The following PLSCR4 variants were observed in gnomAD, a reference collection of about 807,000 sequenced individuals.
The protein encoded by PLSCR4 is phospholipid scramblase 4, also known as Ca(2+)-dependent phospholipid scramblase 4.
Under a neutral mutation model 36.3 loss-of-function variants are expected in PLSCR4, and 25 were observed. The ratio of observed to expected loss-of-function variants is 0.69; its 90% CI spans 0.50 to 0.96. PLSCR4 has a LOEUF of 0.96. Among genes scored for constraint, PLSCR4 ranks in the 40% least tolerant of loss-of-function variants. PLSCR4 has a pLI of 0.00. For synonymous variants in PLSCR4, 122 were observed against 132.9 expected (o/e 0.92, Z 0.56); for missense variants, 408 against 414.7 (o/e 0.98, Z 0.14).
At chr3:146,219,049 A>T (rs1047135276) in intron 3 of PLSCR4, among the ~76,000 whole-genome samples, 13 of 152,220 alleles carry the variant, frequency 8.5e-5, no homozygotes, top group Admixed American at 7.2e-4. Context: ...AGTCACAGAG[A>T]CAATTTTTGT....
intron 1 of PLSCR4, among the ~76,000 whole-genome samples, chr3:146,223,263 G>C (rs2035258102): frequency 6.6e-6 from 1 of 152,152 alleles, no homozygotes; most frequent in Non-Finnish European, 1.5e-5. Context: ...CAAAAAAAAG[G>C]CTATTATTTG....
At chr3:146,242,026 T>C (rs2175544) in intron 1 of PLSCR4, among the ~76,000 whole-genome samples, 123,197 of 152,120 alleles carry the variant, frequency 0.81, 50,315 homozygotes, top group Non-Finnish European at 0.87. Context: ...CAGCCAATGA[T>C]GGTAGTGGAG....
At chr3:146,218,821 T>A (rs1512894) in intron 3 of PLSCR4, among the ~76,000 whole-genome samples, 49,309 of 152,112 alleles carry the variant, frequency 0.32, 8,670 homozygotes, top group South Asian at 0.45. Flanking sequence ...TGAGTTTTTT[T>A]AGTTATTTTG....
In PLSCR4 at chr3:146,196,730, T is replaced by A. The variant is rs1196531776; in HGVS notation, c.688A>T (p.Arg230Trp). 2 of 1,613,954 alleles carry A rather than the reference T, an allele frequency of 1.2e-6. No homozygotes were observed. Among genetic ancestry groups the A allele is most frequent in the Non-Finnish European group, 1.7e-6 (2 of 1,179,898 alleles). Residue 230 changes from arginine (R) to tryptophan (W), a missense_variant, in exon 7 of 9, where the codon AGG (arginine) becomes TGG (tryptophan). Arg to Trp is a moderately radical substitution (Grantham distance 101). Coordinates refer to ENST00000354952, the MANE Select transcript of PLSCR4 (RefSeq NM_020353.3). The part of the protein sequence containing the change: ...GFVAEHWNLC[R>W]AVYSIQNEKK... Reference sequence around the variant, plus strand: ...TCATTTTGGATGCTGTACACCGCCCTGCACAGGTTCCAATGTTCCGCAACA... The same window carrying A: ...TCATTTTGGATGCTGTACACCGCCCAGCACAGGTTCCAATGTTCCGCAACA...
chr3:146,206,606 T>G lies in PLSCR4; in HGVS notation c.274A>C (p.Asn92His). The change falls in exon 4 of 9, where the codon AAT (asparagine) becomes CAT (histidine). Residue 92 changes from asparagine (N) to histidine (H), a missense_variant. Coordinates refer to ENST00000354952, the MANE Select transcript of PLSCR4 (RefSeq NM_020353.3). ...ATCCATGTTATTGGAACAGACTGAT[T>G]TGGCATAGGATATTTGCCAGGCTGA... The part of the protein sequence containing the change: ...RYQPGKYPMP[N>H]QSVPITWMPG... 1 of 1,613,592 alleles carries G rather than the reference T, an allele frequency of 6.2e-7. No homozygotes were observed. The highest frequency in any genetic ancestry group is 8.5e-7 in the Non-Finnish European group (1 of 1,179,694).
intron 6 of PLSCR4, 70 bp downstream of exon 6, chr3:146,199,743 G>T: frequency 1.6e-6 from 2 of 1,247,632 alleles, no homozygotes; most frequent in South Asian, 1.3e-5. Context: ...CCTATGTAGT[G>T]GAAGGAGCAC....
chr3:146,221,648 T>A (rs2108292879), intron 2 of PLSCR4, among the ~76,000 whole-genome samples: 1 of 152,290 alleles, frequency 6.6e-6, no homozygotes, highest in Non-Finnish European at 1.5e-5. Context: ...ATCCCATAAA[T>A]GTGGTTTTTC....
chr3:146,222,233 C>T, intron 1 of PLSCR4, 141 bp from the exon 2 acceptor site: 1 of 379,492 alleles, frequency 2.6e-6, no homozygotes, highest in Admixed American at 4.9e-5. Flanking sequence ...TAAAAAAATA[C>T]TTATTGAGCA....
intron 1 of PLSCR4, among the ~76,000 whole-genome samples, chr3:146,233,075 T>A (rs562489895): frequency 6.6e-6 from 1 of 152,226 alleles, no homozygotes; most frequent in African/African-American, 2.4e-5. Context: ...TATTTTTAAG[T>A]TTCAATTCTT....
At chr3:146,205,152 G>A (rs980617675) in intron 4 of PLSCR4, among the ~76,000 whole-genome samples, 1 of 151,946 alleles carries the variant, frequency 6.6e-6, no homozygotes, top group Admixed American at 6.6e-5. Context: ...TCTTTATAAT[G>A]TATTTCAGCA....
rs1391187341 is a variant in PLSCR4 at position 146,192,582 on chromosome 3, CTT to C, written c.*1827_*1828del. 6.6e-6 allele frequency: 1 copy of C among 151,472 alleles called. No homozygotes were observed. Among genetic ancestry groups the C allele is most frequent in the Non-Finnish European group, 1.5e-5 (1 of 67,848 alleles). 9.4% of individuals were successfully genotyped at this position (151,472 alleles called of 1,614,324 possible). ...AAAAAAGAAATTAAAAATATCACGTCTTATGCTAAATATATATAGATATATTT... is the reference window on the plus strand; with the variant it reads ...AAAAAAGAAATTAAAAATATCACGTCATGCTAAATATATATAGATATATTT... On this transcript the variant is annotated 3_prime_UTR_variant, in exon 9 of 9. Coordinates refer to ENST00000354952, the MANE Select transcript of PLSCR4 (RefSeq NM_020353.3).
rs546316702 is a variant in PLSCR4, at chr3:146,225,837, T to C, written c.-21-3745A>G. Among the ~76,000 whole-genome samples the C allele has an allele frequency of 1.1e-4, 16 of 151,784 alleles. No individual in the cohort carries two copies. In the South Asian group the frequency reaches 3.3e-3, roughly 32 times the overall value. ...CACACCTCCCTGCAAGCTGAGGGAG[T>C]GGGCTCCAGCCTTGGCCAGCCCAGA... is the stretch of plus-strand genomic sequence containing the variant. On this transcript the variant is annotated intron_variant, in intron 1 of 8. Transcript: ENST00000354952.
At chr3:146,245,807 T>G (rs1010014325) in intron 1 of PLSCR4, among the ~76,000 whole-genome samples, 10 of 152,106 alleles carry the variant, frequency 6.6e-5, no homozygotes, top group African/African-American at 9.6e-5. Context: ...CAATGTACTC[T>G]CTTGTAGTGA....
chr3:146,225,730 G>A (rs1012904987), intron 1 of PLSCR4, among the ~76,000 whole-genome samples: 5 of 152,168 alleles, frequency 3.3e-5, no homozygotes, highest in Non-Finnish European at 2.9e-5. Flanking sequence ...CTCCGAGTGT[G>A]GGGCCCGCCA....
Position 146,199,926 on chromosome 3 carries a change from G to A in PLSCR4, c.511C>T (p.Leu171=). 1 of 1,613,532 alleles carries A rather than the reference G, an allele frequency of 6.2e-7. No individual in the cohort carries two copies. Among genetic ancestry groups the A allele is most frequent in the Non-Finnish European group, 8.5e-7 (1 of 1,179,682 alleles). ...DDFTRNAYRT[L]RPFVLRVTDC... ...GTGACCCGGAGGACGAAGGGCCTTAGTGTCCGATAGGCATTCCTGGTAAAG... is the reference window on the plus strand; with the variant it reads ...GTGACCCGGAGGACGAAGGGCCTTAATGTCCGATAGGCATTCCTGGTAAAG... Residue 171 remains leucine (L), a synonymous_variant, in exon 6 of 9, where the codon CTA becomes TTA. Coordinates refer to ENST00000354952, the MANE Select transcript of PLSCR4 (RefSeq NM_020353.3).
At chr3:146,223,869 T>C (rs2035299632) in intron 1 of PLSCR4, 2 of 124,310 alleles carry the variant, frequency 1.6e-5, no homozygotes, top group Admixed American at 8.5e-5. Context: ...ATATATTTAA[T>C]ATATATTATA....
At chr3:146,244,994 A>G (rs571339485) in intron 1 of PLSCR4, among the ~76,000 whole-genome samples, 3 of 152,222 alleles carry the variant, frequency 2.0e-5, no homozygotes, top group African/African-American at 4.8e-5. Flanking sequence ...AAATATTAAC[A>G]GGAGCTTGGA....
intron 1 of PLSCR4, among the ~76,000 whole-genome samples, chr3:146,244,161 T>C (rs1024611251): frequency 1.3e-5 from 2 of 152,174 alleles, no homozygotes; most frequent in Non-Finnish European, 2.9e-5. Context: ...ATTGTCCACA[T>C]GGGTGATTGA....
At chr3:146,196,094 G>A (rs999622375) in intron 7 of PLSCR4, among the ~76,000 whole-genome samples, 1 of 151,990 alleles carries the variant, frequency 6.6e-6, no homozygotes, top group South Asian at 2.1e-4. Context: ...GTGAGATAAA[G>A]GCAAAACAAA....
Sources: gnomAD v4.1 joint callset for allele counts (sites outside exome capture counted in the v4.1 genomes callset) on GRCh38, gnomAD v4.1.1 for gene constraint, MANE v1.5 for transcripts, NCBI Gene and HGNC (gene_info 2026-07-23, HGNC 2026-07-21) for gene names.